ZNF653: variants seen among roughly 807,000 people sequenced by gnomAD.
ZNF653 encodes the protein 67 kDa zinc finger protein.
ZNF653 carries 37 observed loss-of-function variants against 59.9 expected under a neutral mutation model. The ratio of observed to expected loss-of-function variants is 0.62; its 90% CI spans 0.48 to 0.81. The LOEUF is 0.81. Among genes scored for constraint, ZNF653 ranks in the 40% least tolerant of loss-of-function variants. The pLI, the probability that ZNF653 is intolerant of heterozygous loss-of-function variation, is 0.00. For missense variants in ZNF653, 808 were observed against 881.1 expected (o/e 0.92, Z 1.05); for synonymous variants, 435 against 371.8 (o/e 1.17, Z -1.96).
At chr19:11,498,845 A>C (rs1052238576) in intron 1 of ZNF653, among the ~76,000 whole-genome samples, 3 of 151,740 alleles carry the variant, frequency 2.0e-5, no homozygotes, top group African/African-American at 7.3e-5. Flanking sequence ...CCCAGGTTCA[A>C]GTGATTCTCC....
At chr19:11,485,601 C>G in intron 7 of ZNF653, 55 bp downstream of exon 7, 1 of 1,471,136 alleles carries the variant, frequency 6.8e-7, no homozygotes. Flanking sequence ...CCCAGGCTCC[C>G]AGGCCCATGT....
At chr19:11,501,718 C>T (rs1341402180) in intron 1 of ZNF653, among the ~76,000 whole-genome samples, 1 of 152,210 alleles carries the variant, frequency 6.6e-6, no homozygotes, top group Non-Finnish European at 1.5e-5. Flanking sequence ...GCTGCTGCTT[C>T]TCCCTCACCT....
chr19:11,493,416 A>G (rs1971549750), intron 3 of ZNF653, among the ~76,000 whole-genome samples: 1 of 152,148 alleles, frequency 6.6e-6, no homozygotes, highest in Admixed American at 6.6e-5. Flanking sequence ...TAGGAGATTA[A>G]AAGTATGTAC....
chr19:11,484,068 G>A lies in ZNF653; in HGVS notation c.1644C>T (p.Arg548=). ...GCAGGGGGGTCTCGCCGGTGTGGGT[G>A]CGCCGATGTACCTCCAGGTGGTTCT... The part of the protein sequence containing the change: ...KRKNHLEVHR[R]THTGETPLQC... Residue 548 remains arginine, a synonymous_variant, in exon 8 of 9, where the codon CGC becomes CGT. Coordinates refer to ENST00000293771, the MANE Select transcript of ZNF653 (RefSeq NM_138783.4). The A allele has an allele frequency of 3.2e-6, 5 of 1,559,156 alleles. No homozygotes were observed. The highest frequency in any genetic ancestry group is 4.3e-6 in the Non-Finnish European group (5 of 1,151,312).
chr19:11,484,215 T>TCCTTCTAGCATCAG, intron 7 of ZNF653, 74 bp from the exon 8 acceptor site: 10 of 1,184,046 alleles, frequency 8.4e-6, no homozygotes, highest in Non-Finnish European at 1.2e-5. Context: ...ACTCTGATGC[T>TCCTTCTAGCATCAG]AGAAGGAGCA....
chr19:11,488,999 A>C (rs1308081481), intron 3 of ZNF653, among the ~76,000 whole-genome samples: 6 of 151,206 alleles, frequency 4.0e-5, no homozygotes, highest in Non-Finnish European at 5.9e-5. Context: ...TCCTGGGTTC[A>C]AGCGATTCTC....
In ZNF653 at chr19:11,487,331, T is replaced by C. The variant is rs200885372; in HGVS notation, c.1132A>G (p.Met378Val). 21 of 1,613,632 alleles carry C rather than the reference T, an allele frequency of 1.3e-5. No individual in the cohort carries two copies. The African/African-American group carries it at 2.0e-4, about 15-fold the overall frequency. The change falls in exon 4 of 9, where the codon ATG becomes GTG. Residue 378 changes from methionine to valine, a missense_variant. Transcript: ENST00000293771. This position sits in a 1 kb window ranked among gnomAD's most constrained non-coding sequence, Gnocchi z 5.1. ...ATGCCTGCTACTGCGGTGGCGTCCA[T>C]GGTGCTAGGCTGGCTACCCTCGGGC... ...TEPEGSQPST[M>V]DATAVAGIET...
intron 3 of ZNF653, among the ~76,000 whole-genome samples, chr19:11,493,736 G>A (rs1372550035): frequency 6.6e-6 from 1 of 152,182 alleles, no homozygotes; most frequent in Non-Finnish European, 1.5e-5. Context: ...AAATAGCCAT[G>A]GGCAAGGCCC....
chr19:11,502,756 G>A (rs765269952), intron 1 of ZNF653, among the ~76,000 whole-genome samples: 11 of 152,096 alleles, frequency 7.2e-5, no homozygotes, highest in Admixed American at 2.0e-4. Context: ...CAACCCCGCC[G>A]GGCGCAGTGG....
At chr19:11,491,279 G>A (rs1287857173) in intron 3 of ZNF653, among the ~76,000 whole-genome samples, 3 of 152,198 alleles carry the variant, frequency 2.0e-5, no homozygotes, top group African/African-American at 7.2e-5. Context: ...CCAATGGAAT[G>A]CAAGTGGACA....
In ZNF653 at chr19:11,487,113, G is replaced by A; in HGVS notation, c.1217C>T (p.Pro406Leu). The change falls in exon 5 of 9, where the codon CCA (proline) becomes CTA (leucine). Residue 406 changes from proline to leucine, a missense_variant. Physicochemically the swap from Pro to Leu is moderately conservative, Grantham distance 98. Transcript: ENST00000293771. This position sits in a 1 kb window ranked among gnomAD's most constrained non-coding sequence, Gnocchi z 5.1. Reference protein sequence around the residue: ...CLLKKEEKEEPVAPELATTVP... With the variant: ...CLLKKEEKEELVAPELATTVP... ...CGTTGTTGCCAGCTCCGGGGCTACT[G>A]GCTCCTCCTTCTCCTCCTTCTTTAG... 6.2e-7 allele frequency: 1 copy of A among 1,613,454 alleles called. No homozygotes were observed. Among genetic ancestry groups the A allele is most frequent in the Non-Finnish European group, 8.5e-7 (1 of 1,180,022 alleles).
At chr19:11,498,462 G>T (rs1971610867) in intron 1 of ZNF653, 123 bp from the exon 2 acceptor site, 2 of 1,306,994 alleles carry the variant, frequency 1.5e-6, no homozygotes, top group African/African-American at 3.0e-5. Context: ...TGAACTTTTT[G>T]AGATGGAGTC....
At chr19:11,494,381 A>ACATAACATAAAACAT (rs1555737004) in intron 3 of ZNF653, among the ~76,000 whole-genome samples, 67 of 133,008 alleles carry the variant, frequency 5.0e-4, no homozygotes, top group African/African-American at 1.5e-3. Flanking sequence ...ACATAACATA[A>ACATAACATAAAACAT]AACATAACAT....
rs1414529987 is a variant in ZNF653, at chr19:11,484,059, G to A, written c.1653C>T (p.Thr551=). The A allele has an allele frequency of 5.8e-6, 9 of 1,557,822 alleles. No individual in the cohort carries two copies. The highest frequency in any genetic ancestry group is 1.9e-5 in the Admixed American group (1 of 51,872). The change falls in exon 8 of 9, where the codon ACC becomes ACT. Residue 551 remains threonine (T), a synonymous_variant. Transcript: ENST00000293771. ...NHLEVHRRTH[T]GETPLQCEIC... Reference sequence around the variant, plus strand: ...TCACTCACTGCAGGGGGGTCTCGCCGGTGTGGGTGCGCCGATGTACCTCCA... The same window carrying A: ...TCACTCACTGCAGGGGGGTCTCGCCAGTGTGGGTGCGCCGATGTACCTCCA...
At chr19:11,493,058 A>G (rs1971545749) in intron 3 of ZNF653, among the ~76,000 whole-genome samples, 2 of 125,100 alleles carry the variant, frequency 1.6e-5, no homozygotes, top group South Asian at 5.0e-4. Context: ...GGCCCTCGGG[A>G]GTGTTTTTTT....
At chr19:11,486,682 G>A in intron 6 of ZNF653, 87 bp downstream of exon 6, 1 of 1,154,802 alleles carries the variant, frequency 8.7e-7, no homozygotes, top group Non-Finnish European at 1.2e-6. Context: ...CAAATTTCAA[G>A]GGGCAAACTA....
At chr19:11,486,107 C>T (rs924620103) in intron 6 of ZNF653, among the ~76,000 whole-genome samples, 4 of 152,102 alleles carry the variant, frequency 2.6e-5, no homozygotes, top group South Asian at 4.1e-4. Context: ...CCCGCCACCA[C>T]GCCCGGCTGC....
Position 11,495,323 on chromosome 19 carries a change from G to T in ZNF653, c.559+627C>A, listed in dbSNP as rs574742128. Among the ~76,000 whole-genome samples, 54 of 152,232 alleles carry T rather than the reference G, an allele frequency of 3.5e-4. No homozygotes were observed. Among genetic ancestry groups the T allele is most frequent in the Non-Finnish European group, 6.9e-4 (47 of 68,020 alleles). On this transcript the variant is annotated intron_variant, in intron 3 of 8. Coordinates refer to ENST00000293771, the MANE Select transcript of ZNF653 (RefSeq NM_138783.4). The surrounding 1 kb of genome is among the most constrained non-coding windows in gnomAD (Gnocchi z 4.9). ...GGTGGGGAGGGAGGAGGAGAAAGGG[G>T]AATAGAAGGAAACAAGAGAAAGAGA...
At chr19:11,498,262 C>G in intron 2 of ZNF653, 34 bp downstream of exon 2, 1 of 1,613,706 alleles carries the variant, frequency 6.2e-7, no homozygotes, top group South Asian at 1.1e-5. Context: ...GCTCCCAACT[C>G]TCCCCACCTC....
Sources: gnomAD v4.1 joint callset for allele counts (sites outside exome capture counted in the v4.1 genomes callset) on GRCh38, gnomAD v4.1.1 for gene constraint, Gnocchi (gnomAD v3.1) non-coding constraint, MANE v1.5 for transcripts, NCBI Gene and HGNC (gene_info 2026-07-23, HGNC 2026-07-21) for gene names.